Variants in OSGEP observed in about 807,000 individuals in gnomAD.
OSGEP encodes the protein O-sialoglycoprotein endopeptidase.
A neutral mutation model predicts 44.1 loss-of-function variants in OSGEP; 39 were observed. The ratio of observed to expected loss-of-function variants is 0.88; its 90% CI spans 0.69 to 1.16. The LOEUF is 1.16. Ranked by LOEUF, OSGEP falls within the 50% of genes most tolerant of loss-of-function variation. The probability of loss-of-function intolerance (pLI) is 0.00; values close to 1 mark genes in which losing one functional copy is unlikely to be tolerated. For missense variants in OSGEP, 403 were observed against 443.1 expected (o/e 0.91, Z 0.81); for synonymous variants, 139 against 161.9 (o/e 0.86, Z 1.07).
intron 3 of OSGEP, chr14:20,450,569 C>T (rs761141598): frequency 6.6e-6 from 1 of 152,254 alleles, no homozygotes; most frequent in African/African-American, 2.4e-5. Flanking sequence ...TTTCCACAAC[C>T]CAAGTCTCTG....
chr14:20,448,469 C>A (rs1881015856), intron 6 of OSGEP, among the ~76,000 whole-genome samples: 1 of 152,032 alleles, frequency 6.6e-6, no homozygotes, highest in South Asian at 2.1e-4. Flanking sequence ...TTTCTTATCT[C>A]CCCCGCCCCC....
chr14:20,447,344 C>T, intron 10 of OSGEP, 65 bp from the exon 11 acceptor site: 1 of 1,604,332 alleles, frequency 6.2e-7, no homozygotes, highest in Non-Finnish European at 8.5e-7. Flanking sequence ...CTTCTCTGCC[C>T]TCATGTTCCT....
chr14:20,452,456 A>G lies in OSGEP; in HGVS notation c.116-8T>C, dbSNP rs1881127923. ...TATCACCTGGAAGGAATCCTAGAAA[A>G]TGAACATAGGTCAGAGATCACAGGG... On this transcript the variant is annotated splice_region_variant and splice_polypyrimidine_tract_variant and intron_variant, in intron 1 of 10. Coordinates refer to ENST00000206542, the MANE Select transcript of OSGEP (RefSeq NM_017807.4). The G allele has an allele frequency of 3.7e-6, 6 of 1,613,218 alleles. No individual in the cohort carries two copies. The South Asian group carries it at 6.6e-5, about 18-fold the overall frequency.
Position 20,454,706 on chromosome 14 carries a change from C to G in OSGEP, c.-23G>C. On this transcript the variant is annotated 5_prime_UTR_variant, in exon 1 of 11. Coordinates refer to ENST00000206542, the MANE Select transcript of OSGEP (RefSeq NM_017807.4). Reference sequence around the variant, plus strand: ...CATGGCGGAGGCTGGGAGAAAACGCCGACAGGACTCCTGGCAATGTCAGGA... The same window carrying G: ...CATGGCGGAGGCTGGGAGAAAACGCGGACAGGACTCCTGGCAATGTCAGGA... The G allele has an allele frequency of 6.4e-7, 1 of 1,552,728 alleles. No individual in the cohort carries two copies. Among genetic ancestry groups the G allele is most frequent in the Non-Finnish European group, 8.9e-7 (1 of 1,125,544 alleles).
chr14:20,452,925 G>C (rs1410910669), intron 1 of OSGEP, among the ~76,000 whole-genome samples: 4 of 152,072 alleles, frequency 2.6e-5, no homozygotes, highest in Non-Finnish European at 5.9e-5. Context: ...GGCCAGGCTG[G>C]TCTCGAACTC....
At position 20,452,428 on chromosome 14, in the gene OSGEP, C is replaced by G. The variant is rs747067991; in HGVS notation, c.136G>C (p.Ala46Pro). ...PGTGFLPGDT[A>P]RHHRAVILDL... ...AGGATAACAGCTCGGTGATGCCTGG[C>G]TGTATCACCTGGAAGGAATCCTAGA... The change falls in exon 2 of 11, where the codon GCC becomes CCC. Residue 46 changes from alanine to proline, a missense_variant. By Grantham distance (27) the Ala-to-Pro change is conservative. Coordinates refer to ENST00000206542, the MANE Select transcript of OSGEP (RefSeq NM_017807.4). 7.4e-6 allele frequency: 12 copies of G among 1,613,436 alleles called. No individual in the cohort carries two copies. The highest frequency in any genetic ancestry group is 1.0e-5 in the Non-Finnish European group (12 of 1,179,474).
Position 20,454,776 on chromosome 14 carries a change from G to C in OSGEP, c.-93C>G. On this transcript the variant is annotated 5_prime_UTR_variant, in exon 1 of 11. Transcript: ENST00000206542. ...GTCCGCGCTGGGCCGCAGCTTTCCG[G>C]AGCGCAGAGGAAGCTGGCCAGCCTG... 1.1e-6 allele frequency: 1 copy of C among 899,602 alleles called. No homozygotes were observed. The highest frequency in any genetic ancestry group is 2.6e-5 in the East Asian group (1 of 38,614). The allele number at this position is 899,602 out of a possible 1,614,324, so 55.7% of individuals were successfully genotyped here.
At chr14:20,452,632 G>A (rs1881132033) in intron 1 of OSGEP, among the ~76,000 whole-genome samples, 184 bp from the exon 2 acceptor site, 1 of 151,834 alleles carries the variant, frequency 6.6e-6, no homozygotes, top group South Asian at 2.1e-4. Flanking sequence ...TCAACTTTCA[G>A]AAATGCTCTT....
In OSGEP at chr14:20,447,803, G is replaced by A. The variant is rs1880991075; in HGVS notation, c.793+101C>T. On this transcript the variant is annotated intron_variant, in intron 8 of 10. Coordinates refer to ENST00000206542, the MANE Select transcript of OSGEP (RefSeq NM_017807.4). Reference sequence around the variant, plus strand: ...AATGACATAGGGGATTAGGGGCAAGGATTGGGAAGCCTACTCCAAACGCTT... The same window carrying A: ...AATGACATAGGGGATTAGGGGCAAGAATTGGGAAGCCTACTCCAAACGCTT... 9.8e-6 allele frequency: 12 copies of A among 1,222,946 alleles called. 1 individual carries two copies. The South Asian group carries it at 1.5e-4, about 15-fold the overall frequency. 75.8% of individuals were successfully genotyped at this position (1,222,946 alleles called of 1,614,324 possible). A position where few individuals can be genotyped will look rare whatever the true frequency, so the allele number is the denominator to read the frequency against.
intron 7 of OSGEP, 37 bp from the exon 8 acceptor site, chr14:20,448,031 C>A (rs1881000744): frequency 4.4e-6 from 7 of 1,587,834 alleles, no homozygotes; most frequent in Non-Finnish European, 5.2e-6. Flanking sequence ...ATTAGAGGGG[C>A]ATCCCAGATT....
At chr14:20,454,412 T>A in intron 1 of OSGEP, 157 bp downstream of exon 1, 2 of 719,590 alleles carry the variant, frequency 2.8e-6, no homozygotes, top group Non-Finnish European at 5.1e-6. Context: ...CAAGTGCCTG[T>A]AACTCTTCTA....
intron 1 of OSGEP, among the ~76,000 whole-genome samples, chr14:20,453,933 C>T (rs1211585668): frequency 1.3e-5 from 2 of 151,992 alleles, no homozygotes; most frequent in Non-Finnish European, 2.9e-5. Context: ...GTAGAAGAAT[C>T]GCTTGAACCT....
intron 2 of OSGEP, 59 bp from the exon 3 acceptor site, chr14:20,452,208 G>T: frequency 6.3e-7 from 1 of 1,581,628 alleles, no homozygotes; most frequent in Non-Finnish European, 8.6e-7. Context: ...AATAGTGGGG[G>T]ACATAAGGGA....
At chr14:20,452,305 C>A (rs202017477) in intron 2 of OSGEP, 24 bp downstream of exon 2, 22 of 1,612,260 alleles carry the variant, frequency 1.4e-5, no homozygotes, top group Non-Finnish European at 1.8e-5. Context: ...ATTCCTCCAT[C>A]GTTGACCACT....
In OSGEP at chr14:20,451,998, C is replaced by T. The variant is rs531924591; in HGVS notation, c.387G>A (p.Leu129=). ...LITGATSPTV[L]YVSGGNTQVI... ...CCTGCGTATTTCCTCCACTCACATACAACACGGTTGGGCTGGTGGCTCCAG... is the reference window on the plus strand; with the variant it reads ...CCTGCGTATTTCCTCCACTCACATATAACACGGTTGGGCTGGTGGCTCCAG... Residue 129 remains leucine, a synonymous_variant, in exon 3 of 11, where the codon TTG becomes TTA. Coordinates refer to ENST00000206542, the MANE Select transcript of OSGEP (RefSeq NM_017807.4). The T allele has an allele frequency of 2.5e-6, 4 of 1,610,106 alleles. No homozygotes were observed. In the South Asian group the frequency reaches 4.4e-5, roughly 18 times the overall value.
rs1429076939 is a variant in OSGEP, at chr14:20,446,874, G to C, written c.*366C>G. On this transcript the variant is annotated 3_prime_UTR_variant, in exon 11 of 11. Transcript: ENST00000206542. The stretch of plus-strand genomic sequence containing the variant: ...GCACAATGGCATCCTTACTCAGGAG[G>C]CTGAGGTGGTAAGACTGCTTGAGCC... 4 of 254,462 alleles carry C rather than the reference G, an allele frequency of 1.6e-5. No individual in the cohort carries two copies. In the Admixed American group the frequency reaches 2.0e-4, roughly 12 times the overall value. 15.8% of individuals were successfully genotyped at this position (254,462 alleles called of 1,614,324 possible).
chr14:20,451,781 C>G, intron 3 of OSGEP, 193 bp downstream of exon 3: 1 of 451,594 alleles, frequency 2.2e-6, no homozygotes. Context: ...AATGATAAGC[C>G]ATCTAATGTT....
chr14:20,452,901 G>T (rs1026908251), intron 1 of OSGEP, among the ~76,000 whole-genome samples: 3 of 151,918 alleles, frequency 2.0e-5, no homozygotes, highest in African/African-American at 7.3e-5. Flanking sequence ...GTAGAGACGG[G>T]GTTTCACCAT....
intron 1 of OSGEP, among the ~76,000 whole-genome samples, chr14:20,453,359 T>C (rs925055353): frequency 1.4e-4 from 18 of 130,156 alleles, no homozygotes; most frequent in African/African-American, 5.2e-4. Flanking sequence ...AAAGTTGTAA[T>C]GTGTTTTGTA....
Sources: gnomAD v4.1 joint callset for allele counts (sites outside exome capture counted in the v4.1 genomes callset) on GRCh38, gnomAD v4.1.1 for gene constraint, MANE v1.5 for transcripts, NCBI Gene and HGNC (gene_info 2026-07-23, HGNC 2026-07-21) for gene names.